Variants in CDH18 observed in about 807,000 individuals in gnomAD.
The protein encoded by CDH18 is cadherin-18.
Under a neutral mutation model 67.9 loss-of-function variants are expected in CDH18, and 31 were observed. The observed-to-expected ratio is 0.46, with a 90% CI of 0.34 to 0.62. The LOEUF (loss-of-function observed/expected upper bound fraction) is 0.62. Ranked by LOEUF, CDH18 falls within the 20% of genes least tolerant of loss-of-function variation. CDH18 has a pLI of 0.01. For missense variants in CDH18, 890 were observed against 975.5 expected (o/e 0.91, Z 1.17); for synonymous variants, 362 against 347.2 (o/e 1.04, Z -0.48).
chr5:19,738,735 T>A (rs1412654135), intron 4 of CDH18, among the ~76,000 whole-genome samples: 2 of 152,104 alleles, frequency 1.3e-5, no homozygotes, highest in African/African-American at 2.4e-5. Context: ...GGCCTACCAA[T>A]GGGCAGAGGG....
At chr5:19,960,981 T>C (rs1056306183) in intron 2 of CDH18, among the ~76,000 whole-genome samples, 1 of 117,630 alleles carries the variant, frequency 8.5e-6, no homozygotes, top group South Asian at 3.1e-4. Context: ...TTTATAAGAC[T>C]GGGAGTGCAG....
intron 5 of CDH18, among the ~76,000 whole-genome samples, chr5:19,692,681 T>A (rs1193123935): frequency 6.6e-6 from 1 of 151,896 alleles, no homozygotes; most frequent in East Asian, 1.9e-4. Flanking sequence ...GATAATCAGA[T>A]AACATCATAC....
intron 1 of CDH18, among the ~76,000 whole-genome samples, chr5:20,404,700 G>A (rs188765691): frequency 6.6e-6 from 1 of 152,200 alleles, no homozygotes; most frequent in Admixed American, 6.5e-5. Context: ...CACAATAATA[G>A]TGACAAAGTT....
chr5:19,644,880 C>G (rs1754509056), intron 5 of CDH18, among the ~76,000 whole-genome samples: 1 of 152,178 alleles, frequency 6.6e-6, no homozygotes, highest in Non-Finnish European at 1.5e-5. Context: ...ACATCTGAGA[C>G]AAGCTCAGGC....
chr5:20,327,082 C>T (rs1007042572), intron 1 of CDH18, among the ~76,000 whole-genome samples: 5 of 152,050 alleles, frequency 3.3e-5, no homozygotes, highest in African/African-American at 1.2e-4. Flanking sequence ...AATTAAAATT[C>T]AGGGAGCTAT....
chr5:20,107,656 C>G (rs1054430196), intron 2 of CDH18, among the ~76,000 whole-genome samples: 2 of 152,146 alleles, frequency 1.3e-5, no homozygotes, highest in East Asian at 3.9e-4. Flanking sequence ...GTTGCTTTCT[C>G]CTGAGGCCTT....
chr5:20,338,428 C>T (rs1224015524), intron 1 of CDH18, among the ~76,000 whole-genome samples: 1 of 152,178 alleles, frequency 6.6e-6, no homozygotes. Context: ...CTTCATCAAC[C>T]CTCTGGCCAA....
At chr5:19,885,434 A>G (rs1391791360) in intron 2 of CDH18, among the ~76,000 whole-genome samples, 1 of 152,236 alleles carries the variant, frequency 6.6e-6, no homozygotes, top group African/African-American at 2.4e-5. Flanking sequence ...TCATACATCT[A>G]AGAATAATTC....
At chr5:20,545,071 C>G (rs935270488) in intron 1 of CDH18, among the ~76,000 whole-genome samples, 5 of 152,184 alleles carry the variant, frequency 3.3e-5, no homozygotes, top group African/African-American at 4.8e-5. Flanking sequence ...CCTGGCCAGA[C>G]AGTCATTAAA....
At chr5:20,305,721 C>T (rs917304145) in intron 1 of CDH18, 3 of 386,202 alleles carry the variant, frequency 7.8e-6, no homozygotes, top group African/African-American at 6.4e-5. Context: ...CCGGTTCAGC[C>T]GGAGACCGCT....
At chr5:19,513,441 A>C (rs551703859) in intron 10 of CDH18, among the ~76,000 whole-genome samples, 1 of 151,954 alleles carries the variant, frequency 6.6e-6, no homozygotes, top group African/African-American at 2.4e-5. Flanking sequence ...TTTTTTCCTA[A>C]TATTCTTCAT....
intron 1 of CDH18, among the ~76,000 whole-genome samples, chr5:20,517,039 G>A (rs140159107): frequency 2.3e-3 from 349 of 151,880 alleles, no homozygotes; most frequent in African/African-American, 7.8e-3. Flanking sequence ...CATGACAAAC[G>A]AGAATTATGT....
chr5:20,249,987 G>T (rs1308341171), intron 2 of CDH18, among the ~76,000 whole-genome samples: 1 of 151,880 alleles, frequency 6.6e-6, no homozygotes, highest in African/African-American at 2.4e-5. Context: ...AACCAAAATA[G>T]TAGAAAAAAA....
chr5:19,675,274 A>G (rs931384598), intron 5 of CDH18, among the ~76,000 whole-genome samples: 3 of 82,762 alleles, frequency 3.6e-5, no homozygotes, highest in African/African-American at 1.1e-4. Flanking sequence ...ATGCATTGTC[A>G]TTGATAATTT....
At chr5:20,316,236 G>A (rs1737449206) in intron 1 of CDH18, among the ~76,000 whole-genome samples, 1 of 152,038 alleles carries the variant, frequency 6.6e-6, no homozygotes, top group Admixed American at 6.6e-5. Context: ...GTATGATTGT[G>A]ATGTGACTGG....
At chr5:20,161,359 T>C (rs1483013995) in intron 2 of CDH18, among the ~76,000 whole-genome samples, 1 of 152,152 alleles carries the variant, frequency 6.6e-6, no homozygotes, top group Non-Finnish European at 1.5e-5. Context: ...AGTTGATTGC[T>C]AAAGGGAGCA....
intron 8 of CDH18, among the ~76,000 whole-genome samples, chr5:19,559,926 A>C (rs72737461): frequency 0.15 from 18,781 of 126,564 alleles, 1,383 homozygotes; most frequent in Non-Finnish European, 0.16. Flanking sequence ...AAAAACAAAC[A>C]AAAAAAAAAC....
chr5:20,213,237 T>C (rs1171319607), intron 2 of CDH18, among the ~76,000 whole-genome samples: 1 of 152,156 alleles, frequency 6.6e-6, no homozygotes, highest in Non-Finnish European at 1.5e-5. Context: ...GGGAAAATTG[T>C]AGGTTGGTGG....
chr5:20,391,052 T>C (rs180984943), intron 1 of CDH18, among the ~76,000 whole-genome samples: 1 of 152,134 alleles, frequency 6.6e-6, no homozygotes, highest in East Asian at 1.9e-4. Flanking sequence ...AGTTACTGGG[T>C]TCAGCACACC....
Sources: allele counts gnomAD v4.1 joint callset (sites outside exome capture counted in the v4.1 genomes callset), GRCh38; gene constraint gnomAD v4.1.1; transcripts MANE v1.5; gene names NCBI Gene and HGNC (gene_info 2026-07-23, HGNC 2026-07-21).